FRMPD4: variants seen among roughly 807,000 people sequenced by gnomAD.
FRMPD4 encodes the protein FERM and PDZ domain containing 4.
FRMPD4 carries 22 observed loss-of-function variants against 94.1 expected under a neutral mutation model. The observed-to-expected ratio is 0.23, with a 90% CI of 0.17 to 0.33. The LOEUF (loss-of-function observed/expected upper bound fraction) is 0.33, where lower values mean the gene tolerates loss of function less well. FRMPD4 is among the 10% of genes least tolerant of loss of function. The pLI, the probability that FRMPD4 is intolerant of heterozygous loss-of-function variation, is 1.00. For missense variants in FRMPD4, 1,111 were observed against 1,339.9 expected (o/e 0.83, Z 2.67); for synonymous variants, 631 against 548.6 (o/e 1.15, Z -2.10).
chrX:12,056,674 A>G (rs181858557), intron 3 of FRMPD4, among the ~76,000 whole-genome samples: 1 of 111,638 alleles, frequency 9.0e-6, no homozygotes, highest in Admixed American at 9.5e-5. Flanking sequence ...CTGAGTCCCG[A>G]CATCATCAAA....
intron 4 of FRMPD4, among the ~76,000 whole-genome samples, chrX:12,666,740 A>G (rs1047222165): frequency 5.4e-5 from 6 of 111,917 alleles, no homozygotes; most frequent in Non-Finnish European, 9.4e-5. Flanking sequence ...GAACAAAGAC[A>G]CAAGACACAA....
chrX:12,067,862 A>G (rs181212130), intron 3 of FRMPD4, among the ~76,000 whole-genome samples: 1 of 112,168 alleles, frequency 8.9e-6, no homozygotes, highest in Non-Finnish European at 1.9e-5. Flanking sequence ...TAGGCAGAGT[A>G]ATGGCCCTGC....
At chrX:12,170,322 C>G (rs960133961) in intron 1 of FRMPD4, among the ~76,000 whole-genome samples, 3 of 109,614 alleles carry the variant, frequency 2.7e-5, no homozygotes, top group African/African-American at 1.0e-4. Flanking sequence ...TGTGCTACCT[C>G]CAGGTAGACA....
At chrX:12,453,862 T>C (rs920562117) in intron 1 of FRMPD4, among the ~76,000 whole-genome samples, 5 of 112,384 alleles carry the variant, frequency 4.4e-5, no homozygotes, top group Admixed American at 3.8e-4. Context: ...CTGACTTTTA[T>C]TTTAATGTTC....
chrX:11,835,088 T>C (rs1380181484), intron 1 of FRMPD4, among the ~76,000 whole-genome samples: 1 of 111,689 alleles, frequency 9.0e-6, no homozygotes, highest in African/African-American at 3.3e-5. Context: ...AATATAACCT[T>C]AGCACCTATC....
At chrX:12,355,789 C>T (rs2055886354) in intron 1 of FRMPD4, among the ~76,000 whole-genome samples, 1 of 111,259 alleles carries the variant, frequency 9.0e-6, no homozygotes, top group African/African-American at 3.3e-5. Context: ...AGTGTAGGGG[C>T]CAAGGAGAAA....
At chrX:12,586,471 G>C (rs1602170039) in intron 2 of FRMPD4, among the ~76,000 whole-genome samples, 1 of 112,678 alleles carries the variant, frequency 8.9e-6, no homozygotes, top group East Asian at 2.8e-4. Context: ...CATTCATCAT[G>C]GTTGGTTGCC....
intron 3 of FRMPD4, among the ~76,000 whole-genome samples, chrX:11,977,764 CTT>C (rs2054374702): frequency 9.0e-6 from 1 of 111,561 alleles, no homozygotes; most frequent in Non-Finnish European, 1.9e-5. Flanking sequence ...AGATTTAAAA[CTT>C]TTTTGGTTAA....
intron 3 of FRMPD4, among the ~76,000 whole-genome samples, chrX:12,049,588 T>C (rs2147449966): frequency 8.9e-6 from 1 of 111,738 alleles, no homozygotes; most frequent in African/African-American, 3.2e-5. Flanking sequence ...AGCTGAAAAA[T>C]TCCTGTTGCC....
rs189208512 is a variant in FRMPD4, at chrX:12,487,744, C to T, written c.42-10936C>T. Among the ~76,000 whole-genome samples the T allele has an allele frequency of 5.6e-4, 63 of 111,862 alleles. No individual in the cohort carries two copies. In the East Asian group the frequency reaches 0.016, roughly 28 times the overall value. ...AAGAATCATTTCAATTTCTACACTT[C>T]AAATACACATTTGTTCCTTCTATAT... On this transcript the variant is annotated intron_variant, in intron 1 of 16. Transcript: ENST00000675598.
chrX:12,011,503 TAGA>T (rs1356856610), intron 3 of FRMPD4, among the ~76,000 whole-genome samples: 2 of 112,129 alleles, frequency 1.8e-5, no homozygotes, highest in Non-Finnish European at 3.8e-5. Flanking sequence ...ATGCAGATAA[TAGA>T]AGATTTTTCA....
intron 4 of FRMPD4, among the ~76,000 whole-genome samples, chrX:12,640,118 G>C (rs2059481327): frequency 9.2e-6 from 1 of 108,797 alleles, no homozygotes; most frequent in Non-Finnish European, 1.9e-5. Flanking sequence ...GGGCAACATG[G>C]CAAAACCCCA....
At chrX:12,448,807 A>G (rs2057230956) in intron 1 of FRMPD4, among the ~76,000 whole-genome samples, 1 of 112,178 alleles carries the variant, frequency 8.9e-6, no homozygotes, top group Admixed American at 9.5e-5. Flanking sequence ...GTGGAAAGAC[A>G]CATCTGATCT....
intron 3 of FRMPD4, among the ~76,000 whole-genome samples, chrX:12,081,674 G>A (rs2055063297): frequency 9.0e-6 from 1 of 111,334 alleles, no homozygotes; most frequent in African/African-American, 3.3e-5. Flanking sequence ...AATGGGGAGG[G>A]AGAAATATAT....
intron 1 of FRMPD4, among the ~76,000 whole-genome samples, chrX:12,482,007 T>C (rs1207620237): frequency 4.8e-5 from 4 of 83,821 alleles, no homozygotes; most frequent in Non-Finnish European, 9.2e-5. Context: ...GAAGAGAAAA[T>C]TTATTTGCTA....
chrX:12,026,850 T>C (rs2054664091), intron 3 of FRMPD4, among the ~76,000 whole-genome samples: 1 of 112,725 alleles, frequency 8.9e-6, no homozygotes, highest in Non-Finnish European at 1.9e-5. Flanking sequence ...ATATATTTCA[T>C]GTCATAAATC....
chrX:12,259,056 C>A (rs1017185246), intron 1 of FRMPD4, among the ~76,000 whole-genome samples: 2 of 111,970 alleles, frequency 1.8e-5, no homozygotes, highest in African/African-American at 6.5e-5. Context: ...AGAGATACAA[C>A]CTTCAAGTTC....
intron 3 of FRMPD4, among the ~76,000 whole-genome samples, chrX:12,006,004 T>TA (rs72040519): frequency 9.3e-6 from 1 of 107,886 alleles, no homozygotes; most frequent in Admixed American, 9.9e-5. Context: ...TTTCAGGCTT[T>TA]AAAAAAAAAA....
chrX:12,600,630 C>T (rs1175372157), intron 2 of FRMPD4, among the ~76,000 whole-genome samples: 1 of 112,232 alleles, frequency 8.9e-6, no homozygotes, highest in Non-Finnish European at 1.9e-5. Flanking sequence ...AGCAAACCAA[C>T]AACCCCTTTG....
Sources: allele counts gnomAD v4.1 joint callset (sites outside exome capture counted in the v4.1 genomes callset), GRCh38; gene constraint gnomAD v4.1.1; transcripts MANE v1.5; gene names NCBI Gene and HGNC (gene_info 2026-07-23, HGNC 2026-07-21).